PRDM4: variants seen among roughly 807,000 people sequenced by gnomAD.
The protein encoded by PRDM4 is PR domain zinc finger protein 4.
Under a neutral mutation model 62.3 loss-of-function variants are expected in PRDM4, and 38 were observed. The observed-to-expected ratio is 0.61, with a 90% confidence interval of 0.47 to 0.80. PRDM4 has a LOEUF of 0.80. PRDM4 is among the 30% of genes least tolerant of loss of function. The pLI is 0.00. For missense variants in PRDM4, 858 were observed against 997.1 expected (o/e 0.86, Z 1.88); for synonymous variants, 339 against 348.2 (o/e 0.97, Z 0.30).
In PRDM4 at chr12:107,752,043, G is replaced by A. The variant is rs924654452; in HGVS notation, c.498C>T (p.Asp166=). The change falls in exon 5 of 12, where the codon GAC becomes GAT. Residue 166 remains aspartate, a synonymous_variant. Coordinates refer to ENST00000228437, the MANE Select transcript of PRDM4 (RefSeq NM_012406.4). The stretch of plus-strand genomic sequence containing the variant: ...CACCATGTGTGTTCACAGAGCGAGA[G>A]TCTATTGAAACAATGCCTGGTTCTA... The part of the protein sequence containing the change: ...VGLEPGIVSI[D]SRSVNTHGAQ... 1 of 1,614,216 alleles carries A rather than the reference G, an allele frequency of 6.2e-7. No individual in the cohort carries two copies. Among genetic ancestry groups the A allele is most frequent in the African/African-American group, 1.3e-5 (1 of 75,058 alleles).
At position 107,750,486 on chromosome 12, in the gene PRDM4, G is replaced by C. The variant is rs117535962; in HGVS notation, c.1126+929C>G. Among the ~76,000 whole-genome samples the C allele has an allele frequency of 5.2e-3, 790 of 152,274 alleles. 28 individuals are homozygous for C. The East Asian group carries it at 0.082, about 16-fold the overall frequency. On this transcript the variant is annotated intron_variant, in intron 5 of 11. Transcript: ENST00000228437. Reference sequence around the variant, plus strand: ...TTGAGCCCAGGAGGTCGAGGCTACAGTGAGCCGTGATCGCACCACTGCACC... The same window carrying C: ...TTGAGCCCAGGAGGTCGAGGCTACACTGAGCCGTGATCGCACCACTGCACC...
At chr12:107,740,495 AT>A (rs371705389) in intron 10 of PRDM4, among the ~76,000 whole-genome samples, 10,595 of 150,698 alleles carry the variant, frequency 0.07, 434 homozygotes, top group African/African-American at 0.11. Context: ...TCAAAAAAAA[AT>A]TTTTTTTTTT....
Position 107,733,375 on chromosome 12 carries a change from C to T in PRDM4, c.*835G>A, listed in dbSNP as rs1279891509. On this transcript the variant is annotated 3_prime_UTR_variant, in exon 12 of 12. Coordinates refer to ENST00000228437, the MANE Select transcript of PRDM4 (RefSeq NM_012406.4). ...GAGTCCACATGTACTCATCAGGAGA[C>T]AATCCAGCAGGCATTATTTGGGCTC... The T allele has an allele frequency of 7.3e-6, 1 of 137,238 alleles. No individual in the cohort carries two copies. The highest frequency in any genetic ancestry group is 1.7e-5 in the Non-Finnish European group (1 of 57,922). 8.5% of individuals were successfully genotyped at this position (137,238 alleles called of 1,614,324 possible).
At position 107,739,594 on chromosome 12, in the gene PRDM4, C is replaced by T. The variant is rs1262314251; in HGVS notation, c.1925-43G>A. 4 of 1,578,346 alleles carry T rather than the reference C, an allele frequency of 2.5e-6. No individual in the cohort carries two copies. The African/African-American group carries it at 4.0e-5, about 16-fold the overall frequency. On this transcript the variant is annotated intron_variant, in intron 10 of 11. Transcript: ENST00000228437. Reference sequence around the variant, plus strand: ...TATTACACCGTGAAGAAAACAACTGCTGGCATCCCCAAGACACACAGGCAC... The same window carrying T: ...TATTACACCGTGAAGAAAACAACTGTTGGCATCCCCAAGACACACAGGCAC...
chr12:107,759,841 G>T (rs954534360), intron 2 of PRDM4: 4 of 152,162 alleles, frequency 2.6e-5, no homozygotes, highest in African/African-American at 9.7e-5. Context: ...ACTCATTTAG[G>T]GTAAAATAAT....
At chr12:107,753,815 T>C in intron 4 of PRDM4, 109 bp downstream of exon 4, 2 of 1,037,578 alleles carry the variant, frequency 1.9e-6, no homozygotes, top group Non-Finnish European at 2.7e-6. Context: ...TAGAGATTAA[T>C]ATCTAATAGT....
chr12:107,753,413 A>G (rs905984514), intron 4 of PRDM4, among the ~76,000 whole-genome samples: 9 of 133,698 alleles, frequency 6.7e-5, no homozygotes, highest in African/African-American at 2.2e-4. Context: ...AGAGCAAGAG[A>G]AGAAACCGTG....
In PRDM4 at chr12:107,751,570, A is replaced by G. The variant is rs1890895680; in HGVS notation, c.971T>C (p.Leu324Pro). ...GATGGAGGAGACAGCCACAGGTTCT[A>G]GGCTGAGGCCAACTTCATGGAGGGA... Reference protein sequence around the residue: ...SVSLHEVGLSLEPVAVSSITQ... With the variant: ...SVSLHEVGLSPEPVAVSSITQ... Residue 324 changes from leucine to proline, a missense_variant, in exon 5 of 12, where the codon CTA becomes CCA. Physicochemically the swap from Leu to Pro is moderately conservative, Grantham distance 98 (BLOSUM62 -3). Around this residue, in one of 3 missense-constraint regions of PRDM4, gnomAD observed 499 missense variants for 546.7 expected, o/e 0.91. Transcript: ENST00000228437. 6.2e-7 allele frequency: 1 copy of G among 1,613,226 alleles called. No individual in the cohort carries two copies. The highest frequency in any genetic ancestry group is 1.1e-5 in the South Asian group (1 of 91,080).
chr12:107,748,431 A>G (rs1890787507), intron 5 of PRDM4, among the ~76,000 whole-genome samples: 1 of 152,202 alleles, frequency 6.6e-6, no homozygotes, highest in Admixed American at 6.5e-5. Context: ...AAACAACCCA[A>G]ATGTCCATCA....
chr12:107,754,865 A>G (rs1891013147), intron 3 of PRDM4: 1 of 152,224 alleles, frequency 6.6e-6, no homozygotes, highest in South Asian at 2.1e-4. Context: ...TTCTACCTGG[A>G]AAACAACGTA....
rs1890255963 is a variant in PRDM4 at position 107,734,239 on chromosome 12, C to T, written c.2377G>A (p.Ala793Thr). 6.2e-7 allele frequency: 1 copy of T among 1,610,596 alleles called. No homozygotes were observed. Residue 793 changes from alanine (A) to threonine (T), a missense_variant, in exon 12 of 12, where the codon GCG (alanine) becomes ACG (threonine). Around this residue, in one of 3 missense-constraint regions of PRDM4, gnomAD observed 355 missense variants for 432.6 expected, o/e 0.82. Transcript: ENST00000228437. ...TTATGTGCAGAAAGAGACTCATCCG[C>T]TGAATACACAGCACTGTTAATCCTA... ...DCRINSAVYSADESLSAHK is the reference protein window; with the variant it reads ...DCRINSAVYSTDESLSAHK
At chr12:107,745,372 G>T (rs991742701) in intron 6 of PRDM4, among the ~76,000 whole-genome samples, 1 of 152,066 alleles carries the variant, frequency 6.6e-6, no homozygotes, top group Non-Finnish European at 1.5e-5. Flanking sequence ...AACCAGCCTC[G>T]GCAACATAGT....
At chr12:107,754,558 T>C (rs1240656463) in intron 3 of PRDM4, among the ~76,000 whole-genome samples, 1 of 152,050 alleles carries the variant, frequency 6.6e-6, no homozygotes, top group African/African-American at 2.4e-5. Context: ...AATTTTTGTA[T>C]TTTTGCTAGA....
At chr12:107,735,242 A>T (rs1251302520) in intron 11 of PRDM4, among the ~76,000 whole-genome samples, 1 of 152,176 alleles carries the variant, frequency 6.6e-6, no homozygotes, top group Non-Finnish European at 1.5e-5. Flanking sequence ...CTATATAGCT[A>T]AATCAAAGGA....
chr12:107,754,250 T>C (rs1890993617), intron 3 of PRDM4, 141 bp from the exon 4 acceptor site: 1 of 596,116 alleles, frequency 1.7e-6, no homozygotes, highest in East Asian at 2.9e-5. Flanking sequence ...CCTTAGATAA[T>C]GTGCAAATAT....
intron 10 of PRDM4, among the ~76,000 whole-genome samples, chr12:107,740,655 G>A (rs1264570629): frequency 6.6e-6 from 1 of 152,118 alleles, no homozygotes; most frequent in Non-Finnish European, 1.5e-5. Context: ...GCTCTAATGA[G>A]AGGCTCAGAC....
chr12:107,757,742 T>C (rs1593178350), intron 2 of PRDM4, among the ~76,000 whole-genome samples: 1 of 118,448 alleles, frequency 8.4e-6, no homozygotes, highest in Non-Finnish European at 1.7e-5. Context: ...TGCACCAAAC[T>C]TTTTTTTTAA....
chr12:107,737,247 A>G (rs1473289213), intron 11 of PRDM4, among the ~76,000 whole-genome samples: 1 of 152,066 alleles, frequency 6.6e-6, no homozygotes, highest in African/African-American at 2.4e-5. Context: ...TTTTAAGTAG[A>G]TAAATAAAAA....
rs1890249104 is a variant in PRDM4 at position 107,734,084 on chromosome 12, T to C, written c.*126A>G. 1 of 956,320 alleles carries C rather than the reference T, an allele frequency of 1.0e-6. No homozygotes were observed. Among genetic ancestry groups the C allele is most frequent in the East Asian group, 2.6e-5 (1 of 39,096 alleles). 59.2% of individuals were successfully genotyped at this position (956,320 alleles called of 1,614,324 possible). ...CTGTAAGTGCTTTATTCATTCCCAG[T>C]CTGTTTTGATTACTGGCTGAAAATA... is the stretch of plus-strand genomic sequence containing the variant. On this transcript the variant is annotated 3_prime_UTR_variant, in exon 12 of 12. Transcript: ENST00000228437.
Sources: gnomAD v4.1 joint callset for allele counts (sites outside exome capture counted in the v4.1 genomes callset) on GRCh38, gnomAD v4.1.1 for gene constraint, gnomAD v4.1.1 regional missense constraint, MANE v1.5 for transcripts, NCBI Gene and HGNC (gene_info 2026-07-23, HGNC 2026-07-21) for gene names.